The following PDXDC1 variants were observed in gnomAD, a reference collection of about 807,000 sequenced individuals.
The protein encoded by PDXDC1 is pyridoxal dependent decarboxylase domain containing 1.
Under a neutral mutation model 100.1 loss-of-function variants are expected in PDXDC1, and 42 were observed. The ratio of observed to expected loss-of-function variants is 0.42; its 90% CI spans 0.33 to 0.54. The LOEUF (loss-of-function observed/expected upper bound fraction) is 0.54, where lower values mean the gene tolerates loss of function less well. Among genes scored for constraint, PDXDC1 ranks in the 20% least tolerant of loss-of-function variants. The pLI, the probability that PDXDC1 is intolerant of heterozygous loss-of-function variation, is 0.10. For missense variants in PDXDC1, 636 were observed against 979.2 expected (o/e 0.65, Z 4.68); for synonymous variants, 260 against 371.7 (o/e 0.70, Z 3.46).
intron 16 of PDXDC1, chr16:15,130,588 C>G (rs767591538): frequency 1.5e-6 from 2 of 1,343,132 alleles, no homozygotes; most frequent in Non-Finnish European, 2.1e-6. Flanking sequence ...GCAATGCTGA[C>G]CCATGATGCC....
downstream of PDXDC1, among the ~76,000 whole-genome samples, chr16:15,140,755 C>T (rs1279631755): frequency 3.3e-5 from 5 of 152,248 alleles, no homozygotes; most frequent in South Asian, 6.2e-4. Flanking sequence ...GCCTCAAGCA[C>T]CTCGGGGGTC....
At chr16:15,035,878 C>G (rs1235396490) in intron 22 of PDXDC1, 138 bp from the exon 23 acceptor site, 1 of 935,008 alleles carries the variant, frequency 1.1e-6, no homozygotes, top group Non-Finnish European at 1.6e-6. Context: ...TTTCTCATCT[C>G]CTAAAACACC....
At chr16:15,071,534 G>A (rs1262299274) in intron 16 of PDXDC1, among the ~76,000 whole-genome samples, 4 of 152,320 alleles carry the variant, frequency 2.6e-5, no homozygotes, top group Admixed American at 1.3e-4. Flanking sequence ...TTGGGAGGCC[G>A]AGGCGGGTGG....
intron 16 of PDXDC1, among the ~76,000 whole-genome samples, chr16:15,063,523 A>G (rs1191699778): frequency 1.3e-5 from 2 of 152,020 alleles, no homozygotes; most frequent in Admixed American, 6.6e-5. Flanking sequence ...CCTGGCTAAC[A>G]CGGTGAAACC....
intron 1 of PDXDC1, chr16:14,975,768 G>GC (rs1966734370): frequency 1.2e-6 from 1 of 822,418 alleles, no homozygotes; most frequent in Non-Finnish European, 1.5e-6. Context: ...ACCTCTGGGG[G>GC]CGGGACCGGG....
chr16:14,991,130 T>A (rs1421799844), intron 1 of PDXDC1, among the ~76,000 whole-genome samples: 1 of 152,298 alleles, frequency 6.6e-6, no homozygotes, highest in Non-Finnish European at 1.5e-5. Flanking sequence ...GGATTGTGAA[T>A]CTGCATTTCC....
chr16:14,985,281 C>CTTTTTTTTTTTTT (rs769346480), intron 1 of PDXDC1, among the ~76,000 whole-genome samples: 2 of 114,508 alleles, frequency 1.7e-5, no homozygotes, highest in African/African-American at 3.2e-5. Flanking sequence ...TGATAAACAA[C>CTTTTTTTTTTTTT]TTTTTTTTTT....
chr16:15,054,663 G>A (rs1368635729), intron 16 of PDXDC1, among the ~76,000 whole-genome samples: 1 of 152,142 alleles, frequency 6.6e-6, no homozygotes, highest in Non-Finnish European at 1.5e-5. Flanking sequence ...GTAAGTCCTT[G>A]TCACCCTTCA....
intron 16 of PDXDC1, chr16:15,047,550 C>T: frequency 6.2e-7 from 1 of 1,608,820 alleles, no homozygotes; most frequent in East Asian, 2.2e-5. Flanking sequence ...GGCCCCATTA[C>T]CTGAAGAACA....
chr16:15,064,632 G>T (rs2044877229), intron 16 of PDXDC1, among the ~76,000 whole-genome samples: 1 of 152,206 alleles, frequency 6.6e-6, no homozygotes, highest in Non-Finnish European at 1.5e-5. Context: ...TTAAATAACA[G>T]TTTAAAGAAA....
chr16:14,981,964 G>T (rs1288361794), intron 1 of PDXDC1, among the ~76,000 whole-genome samples: 4 of 152,210 alleles, frequency 2.6e-5, no homozygotes, highest in Non-Finnish European at 5.9e-5. Context: ...GAGTAGCTGG[G>T]ATTACAGGCG....
chr16:15,130,731 C>T lies in PDXDC1; in HGVS notation c.1400-8148C>T, dbSNP rs566976389. 5.2e-5 allele frequency: 77 copies of T among 1,470,368 alleles called. 1 individual carries two copies. Among genetic ancestry groups the T allele is most frequent in the Admixed American group, 4.2e-4 (25 of 59,326 alleles). The allele number at this position is 1,470,368 out of a possible 1,614,324, so 91.1% of individuals were successfully genotyped here. On this transcript the variant is annotated intron_variant, in intron 16 of 16. Transcript: ENST00000535621. ...AGCCGAGCAGTTGTGCTCATTGGGC[C>T]GGGGCTCCGAGTGCAGGTAGACTGC... is the stretch of plus-strand genomic sequence containing the variant.
intron 16 of PDXDC1, among the ~76,000 whole-genome samples, chr16:15,089,771 G>A (rs1183381370): frequency 8.8e-6 from 1 of 113,430 alleles, no homozygotes; most frequent in African/African-American, 3.4e-5. Context: ...CTGCACTCCA[G>A]CCTGGGCGAC....
At chr16:15,065,074 G>A in intron 16 of PDXDC1, 1 of 741,376 alleles carries the variant, frequency 1.3e-6, no homozygotes, top group Non-Finnish European at 2.2e-6. Flanking sequence ...GCTGAGTCAG[G>A]AGAATGGTGT....
chr16:15,133,333 C>T (rs2048198658), intron 16 of PDXDC1: 12 of 1,369,066 alleles, frequency 8.8e-6, no homozygotes, highest in East Asian at 2.4e-5. Context: ...GCCGCAGCAG[C>T]CCCGGGAGCA....
chr16:15,100,244 C>A (rs1009840627), intron 16 of PDXDC1, among the ~76,000 whole-genome samples: 9 of 152,178 alleles, frequency 5.9e-5, no homozygotes, highest in African/African-American at 2.2e-4. Context: ...GCATGTATCT[C>A]ATTTGTCCTT....
At chr16:15,050,522 TAA>T (rs1487876807) in intron 16 of PDXDC1, among the ~76,000 whole-genome samples, 1 of 152,096 alleles carries the variant, frequency 6.6e-6, no homozygotes, top group African/African-American at 2.4e-5. Flanking sequence ...TGCTTGAGCC[TAA>T]GAGTTCAAAA....
intron 16 of PDXDC1, chr16:15,104,371 C>T: frequency 6.3e-7 from 1 of 1,597,202 alleles, no homozygotes; most frequent in Non-Finnish European, 8.5e-7. Flanking sequence ...TTATCATCCA[C>T]TGAGGGTGGA....
chr16:14,985,894 T>C (rs1969250932), intron 1 of PDXDC1, among the ~76,000 whole-genome samples: 1 of 152,116 alleles, frequency 6.6e-6, no homozygotes, highest in Non-Finnish European at 1.5e-5. Context: ...AAGCCAGGAG[T>C]TTGAGATCAG....
Sources: allele counts gnomAD v4.1 joint callset (sites outside exome capture counted in the v4.1 genomes callset), GRCh38; gene constraint gnomAD v4.1.1; transcripts MANE v1.5; gene names NCBI Gene and HGNC (gene_info 2026-07-23, HGNC 2026-07-21).